MTHFD2L: variants seen among roughly 807,000 people sequenced by gnomAD.
MTHFD2L encodes bifunctional methylenetetrahydrofolate dehydrogenase/cyclohydrolase 2, mitochondrial.
Under a neutral mutation model 34.9 loss-of-function variants are expected in MTHFD2L, and 29 were observed. The observed-to-expected ratio is 0.83, with a 90% CI of 0.62 to 1.13. The LOEUF is 1.13. MTHFD2L is among the 50% of genes most tolerant of loss of function. MTHFD2L has a pLI of 0.00. For missense variants in MTHFD2L, 481 were observed against 446.5 expected (o/e 1.08, Z -0.70); for synonymous variants, 167 against 155.7 (o/e 1.07, Z -0.54).
intron 3 of MTHFD2L, among the ~76,000 whole-genome samples, chr4:74,190,821 A>T (rs1732339148): frequency 6.6e-6 from 1 of 152,208 alleles, no homozygotes; most frequent in Non-Finnish European, 1.5e-5. Flanking sequence ...AGGTAGTTTG[A>T]GTAGGCAGAC....
intron 1 of MTHFD2L, chr4:74,160,111 C>G: frequency 2.3e-6 from 3 of 1,287,998 alleles, no homozygotes; most frequent in Non-Finnish European, 3.0e-6. Flanking sequence ...TGCCTCCCCA[C>G]TTGTCCCCAT....
chr4:74,302,661 A>G lies in MTHFD2L; in HGVS notation c.*852A>G, dbSNP rs1457820552. On this transcript the variant is annotated 3_prime_UTR_variant, in exon 8 of 8. Transcript: ENST00000325278. ...ACTAAAGTTGTATTTTCCCACAAAT[A>G]TAGTATGAATGAGGTCATATTAAAG... The G allele has an allele frequency of 6.6e-6, 1 of 152,168 alleles. No homozygotes were observed. The highest frequency in any genetic ancestry group is 2.4e-5 in the African/African-American group (1 of 41,468). The allele number at this position is 152,168 out of a possible 1,614,324, so 9.4% of individuals were successfully genotyped here.
At chr4:74,134,907 T>C (rs1477553991) in intron 1 of MTHFD2L, among the ~76,000 whole-genome samples, 1 of 149,994 alleles carries the variant, frequency 6.7e-6, no homozygotes, top group East Asian at 2.0e-4. Context: ...TGTTAAAAAA[T>C]AAACAGAGGA....
At chr4:74,141,380 C>G (rs1377611018) in intron 1 of MTHFD2L, among the ~76,000 whole-genome samples, 2 of 152,222 alleles carry the variant, frequency 1.3e-5, no homozygotes, top group Non-Finnish European at 2.9e-5. Flanking sequence ...TAGAGAAAGT[C>G]AGGCCTGCTG....
At chr4:74,243,292 T>C (rs1741966062) in intron 6 of MTHFD2L, among the ~76,000 whole-genome samples, 1 of 152,196 alleles carries the variant, frequency 6.6e-6, no homozygotes, top group African/African-American at 2.4e-5. Context: ...TTCCAAATAC[T>C]ATGTTTCAAG....
chr4:74,301,561 G>A (rs968860605), intron 7 of MTHFD2L, 136 bp from the exon 8 acceptor site: 1 of 539,284 alleles, frequency 1.9e-6, no homozygotes, highest in Admixed American at 3.5e-5. Context: ...GTGTGTGTCT[G>A]TTTATTACAG....
At chr4:74,248,967 G>C (rs13122429) in intron 6 of MTHFD2L, among the ~76,000 whole-genome samples, 92,275 of 147,026 alleles carry the variant, frequency 0.63, 31,173 homozygotes, top group Non-Finnish European at 0.76. Flanking sequence ...GTTGATTTGG[G>C]GTGGAGAGTT....
chr4:74,214,573 C>T (rs1161088055), intron 5 of MTHFD2L, among the ~76,000 whole-genome samples: 1 of 151,812 alleles, frequency 6.6e-6, no homozygotes, highest in Non-Finnish European at 1.5e-5. Context: ...CTGTTCTTTC[C>T]TCTGGAAGCT....
chr4:74,271,891 T>A (rs1243337272), intron 6 of MTHFD2L, among the ~76,000 whole-genome samples: 2 of 152,172 alleles, frequency 1.3e-5, no homozygotes, highest in Non-Finnish European at 2.9e-5. Context: ...TTCACATCCC[T>A]TGTAAGTTGG....
At chr4:74,259,299 AAGTTAT>A (rs1275864379) in intron 6 of MTHFD2L, among the ~76,000 whole-genome samples, 2 of 152,196 alleles carry the variant, frequency 1.3e-5, no homozygotes, top group African/African-American at 2.4e-5. Context: ...CATAGGGTAG[AAGTTAT>A]ACGTTACATG....
At chr4:74,180,298 A>T (rs1322805306) in intron 3 of MTHFD2L, among the ~76,000 whole-genome samples, 3 of 152,148 alleles carry the variant, frequency 2.0e-5, no homozygotes, top group Admixed American at 6.6e-5. Context: ...AGATGAATAC[A>T]GCCTCTCCTA....
exon 1 of MTHFD2L, chr4:74,125,439 G>A (rs1453401555): frequency 1.6e-4 from 24 of 152,154 alleles, no homozygotes; most frequent in Admixed American, 1.5e-3. Flanking sequence ...TCACTCTTTA[G>A]TGTGAAGCTT....
intron 6 of MTHFD2L, among the ~76,000 whole-genome samples, chr4:74,225,681 C>T (rs1039579560): frequency 3.3e-5 from 5 of 152,094 alleles, no homozygotes; most frequent in East Asian, 1.9e-4. Context: ...ACAGCATTTA[C>T]GGAAAAAGGT....
chr4:74,182,274 C>G (rs1730337107), intron 3 of MTHFD2L, among the ~76,000 whole-genome samples: 2 of 152,122 alleles, frequency 1.3e-5, no homozygotes, highest in African/African-American at 4.8e-5. Flanking sequence ...TGAGTGAATC[C>G]TGTAGTTTTT....
At chr4:74,208,503 A>G (rs1168164593) in intron 5 of MTHFD2L, among the ~76,000 whole-genome samples, 4 of 152,150 alleles carry the variant, frequency 2.6e-5, no homozygotes, top group Non-Finnish European at 5.9e-5. Flanking sequence ...CTCTTTCTCC[A>G]TGACCTCATA....
intron 1 of MTHFD2L, among the ~76,000 whole-genome samples, chr4:74,136,777 G>C (rs1722967462): frequency 6.6e-6 from 1 of 151,864 alleles, no homozygotes; most frequent in Non-Finnish European, 1.5e-5. Context: ...AAAACAGACA[G>C]ATAAATAAAA....
At chr4:74,188,231 G>A (rs143363665) in intron 3 of MTHFD2L, among the ~76,000 whole-genome samples, 1 of 152,328 alleles carries the variant, frequency 6.6e-6, no homozygotes, top group East Asian at 1.9e-4. Context: ...CATGGAATGA[G>A]AGGCTTAAAC....
At chr4:74,252,026 T>C (rs554021650) in intron 6 of MTHFD2L, among the ~76,000 whole-genome samples, 2 of 152,272 alleles carry the variant, frequency 1.3e-5, no homozygotes, top group South Asian at 2.1e-4. Flanking sequence ...AAAAGCATTC[T>C]TTATGCCCAC....
chr4:74,257,541 A>T (rs1023346555), intron 6 of MTHFD2L, among the ~76,000 whole-genome samples: 2 of 152,204 alleles, frequency 1.3e-5, no homozygotes, highest in Admixed American at 1.3e-4. Flanking sequence ...ATCAAGAATT[A>T]GGATTCCATT....
Sources: allele counts gnomAD v4.1 joint callset (sites outside exome capture counted in the v4.1 genomes callset), GRCh38; gene constraint gnomAD v4.1.1; transcripts MANE v1.5; gene names NCBI Gene and HGNC (gene_info 2026-07-23, HGNC 2026-07-21).